CRYBG1: variants seen among roughly 807,000 people sequenced by gnomAD.
CRYBG1 encodes beta/gamma crystallin domain-containing protein 1.
A neutral mutation model predicts 189.2 loss-of-function variants in CRYBG1; 139 were observed. That is an observed-to-expected ratio of 0.73 (90% CI 0.64 to 0.85). The LOEUF (loss-of-function observed/expected upper bound fraction) is 0.85. CRYBG1 is among the 40% of genes least tolerant of loss of function. The pLI, the probability that CRYBG1 is intolerant of heterozygous loss-of-function variation, is 0.00. For synonymous variants in CRYBG1, 1,023 were observed against 1,017.1 expected (o/e 1.01, Z -0.11); for missense variants, 2,611 against 2,675.8 (o/e 0.98, Z 0.53).
chr6:106,396,000 CT>C (rs1770600554), intron 1 of CRYBG1, among the ~76,000 whole-genome samples: 1 of 152,146 alleles, frequency 6.6e-6, no homozygotes, highest in African/African-American at 2.4e-5. Flanking sequence ...ATGAAAGGGT[CT>C]TATTTCCAGC....
intron 1 of CRYBG1, among the ~76,000 whole-genome samples, chr6:106,420,114 G>A (rs559410279): frequency 7.9e-5 from 12 of 152,156 alleles, no homozygotes; most frequent in Non-Finnish European, 1.6e-4. Context: ...TCCAAGTATT[G>A]AAGTATAAAC....
intron 10 of CRYBG1, among the ~76,000 whole-genome samples, chr6:106,542,138 G>A (rs980696332): frequency 1.4e-5 from 2 of 144,912 alleles, no homozygotes; most frequent in East Asian, 2.0e-4. Context: ...ATGTGTGTGT[G>A]TATATATTTA....
chr6:106,488,785 G>A (rs1267619788), intron 2 of CRYBG1, among the ~76,000 whole-genome samples: 8 of 152,172 alleles, frequency 5.3e-5, no homozygotes, highest in Non-Finnish European at 1.0e-4. Flanking sequence ...TTGGGCCTAG[G>A]TTCTGGGTAG....
chr6:106,376,340 GA>G (rs1464920534), intron 1 of CRYBG1, among the ~76,000 whole-genome samples: 1 of 151,940 alleles, frequency 6.6e-6, no homozygotes, highest in Non-Finnish European at 1.5e-5. Context: ...TCCACATCTT[GA>G]ACCTCAGTCT....
chr6:106,460,567 G>T (rs1249826592), intron 2 of CRYBG1, among the ~76,000 whole-genome samples: 3 of 152,012 alleles, frequency 2.0e-5, no homozygotes, highest in Non-Finnish European at 4.4e-5. Context: ...AATTGTGAGG[G>T]GGAAAAATTG....
intron 8 of CRYBG1, among the ~76,000 whole-genome samples, chr6:106,532,591 A>C (rs1773902455): frequency 6.6e-6 from 1 of 152,188 alleles, no homozygotes; most frequent in Non-Finnish European, 1.5e-5. Flanking sequence ...CTTTTTGATA[A>C]TAGCCTTTCT....
intron 2 of CRYBG1, among the ~76,000 whole-genome samples, chr6:106,492,288 A>G (rs1004503699): frequency 3.9e-5 from 6 of 152,174 alleles, no homozygotes; most frequent in African/African-American, 1.4e-4. Flanking sequence ...GCTGTATAGA[A>G]GATACTAATT....
intron 1 of CRYBG1, among the ~76,000 whole-genome samples, chr6:106,394,336 A>G (rs1770564182): frequency 6.6e-6 from 1 of 152,200 alleles, no homozygotes; most frequent in Non-Finnish European, 1.5e-5. Flanking sequence ...TACACTCGTG[A>G]GTGCTCCGTG....
chr6:106,530,370 C>CT, intron 8 of CRYBG1, 55 bp downstream of exon 8: 1 of 1,519,026 alleles, frequency 6.6e-7, no homozygotes, highest in Non-Finnish European at 8.9e-7. Flanking sequence ...GAGTGTAGTA[C>CT]TGGAAAAAGA....
rs546664418 is a variant in CRYBG1 at position 106,386,725 on chromosome 6, A to G, written c.173+25644A>G. On this transcript the variant is annotated intron_variant, in intron 1 of 21. Transcript: ENST00000633556. ...ATCGAATGCCACCGCTAGACATACCATCAAGAGGCAGAGCTCAGGTGGTAA... is the reference window on the plus strand; with the variant it reads ...ATCGAATGCCACCGCTAGACATACCGTCAAGAGGCAGAGCTCAGGTGGTAA... 8.5e-5 allele frequency among the ~76,000 whole-genome samples: 13 copies of G among 152,334 alleles called. No individual in the cohort carries two copies. In the East Asian group the frequency reaches 1.2e-3, roughly 14 times the overall value.
chr6:106,395,097 T>TA (rs1300379815), intron 1 of CRYBG1, among the ~76,000 whole-genome samples: 2 of 151,718 alleles, frequency 1.3e-5, no homozygotes, highest in Non-Finnish European at 2.9e-5. Context: ...TTTTATTATT[T>TA]AAAAAACTGC....
intron 2 of CRYBG1, among the ~76,000 whole-genome samples, chr6:106,471,817 GAA>G (rs147533335): frequency 5.1e-4 from 59 of 115,208 alleles, no homozygotes; most frequent in Admixed American, 2.1e-3. Context: ...AAAAAAAAAA[GAA>G]GAAGAAAATT....
intron 2 of CRYBG1, among the ~76,000 whole-genome samples, chr6:106,470,049 A>T (rs1772198174): frequency 6.6e-6 from 1 of 152,186 alleles, no homozygotes; most frequent in East Asian, 1.9e-4. Context: ...CCTCGGGGAC[A>T]GGGCGCTTCC....
chr6:106,425,344 G>A lies in CRYBG1; in HGVS notation c.174-26350G>A, dbSNP rs146382671. ...CAGTTTCGCTGCCTGTCCCACCTCC[G>A]CCACACTCACTGTTATCTTGTCATT... On this transcript the variant is annotated intron_variant, in intron 1 of 21. Transcript: ENST00000633556. 5.1e-3 allele frequency among the ~76,000 whole-genome samples: 778 copies of A among 152,052 alleles called. 7 individuals are homozygous for A. The highest frequency in any genetic ancestry group is 0.018 in the African/African-American group (746 of 41,480).
intron 1 of CRYBG1, among the ~76,000 whole-genome samples, chr6:106,412,389 T>C (rs1770944005): frequency 6.6e-6 from 1 of 152,258 alleles, no homozygotes. Context: ...TATTTTATTA[T>C]AATTTATCCA....
At chr6:106,495,819 T>TTTTTTA (rs1554186459) in intron 2 of CRYBG1, among the ~76,000 whole-genome samples, 1 of 128,470 alleles carries the variant, frequency 7.8e-6, no homozygotes, top group Non-Finnish European at 1.6e-5. Flanking sequence ...TTTCCTTGAG[T>TTTTTTA]AAAAAAAAAA....
At chr6:106,433,733 A>ATATG (rs1562305762) in intron 1 of CRYBG1, among the ~76,000 whole-genome samples, 2 of 44,598 alleles carry the variant, frequency 4.5e-5, no homozygotes, top group African/African-American at 3.2e-4. Flanking sequence ...ATATATATAT[A>ATATG]TACATATATA....
intron 2 of CRYBG1, among the ~76,000 whole-genome samples, chr6:106,471,763 G>A (rs1022113544): frequency 5.3e-5 from 8 of 150,904 alleles, no homozygotes; most frequent in African/African-American, 2.0e-4. Context: ...CACTCCAAAG[G>A]GTGTTTTAGC....
Position 106,411,000 on chromosome 6 carries a change from C to T in CRYBG1, c.174-40694C>T, listed in dbSNP as rs192911394. On this transcript the variant is annotated intron_variant, in intron 1 of 21. Transcript: ENST00000633556. ...ACGTTCTGCACATGTATCCCAGAAC[C>T]TAAAGTATAATAATTTAAAAAAAGA... Among the ~76,000 whole-genome samples, 506 of 151,844 alleles carry T rather than the reference C, an allele frequency of 3.3e-3. 7 individuals are homozygous for T. The highest frequency in any genetic ancestry group is 0.016 in the South Asian group (78 of 4,810).
Sources: gnomAD v4.1 joint callset for allele counts (sites outside exome capture counted in the v4.1 genomes callset) on GRCh38, gnomAD v4.1.1 for gene constraint, MANE v1.5 for transcripts, NCBI Gene and HGNC (gene_info 2026-07-23, HGNC 2026-07-21) for gene names.